The following CADM1 variants were observed in gnomAD, a reference collection of about 807,000 sequenced individuals.
The protein encoded by CADM1 is TSLC-1.
Under a neutral mutation model 53.1 loss-of-function variants are expected in CADM1, and 15 were observed. The observed-to-expected ratio is 0.28, with a 90% CI of 0.19 to 0.44. The LOEUF (loss-of-function observed/expected upper bound fraction) is 0.44, where lower values mean the gene tolerates loss of function less well. CADM1 is among the 20% of genes least tolerant of loss of function. The probability of loss-of-function intolerance (pLI) is 1.00; values close to 1 mark genes in which losing one functional copy is unlikely to be tolerated. For missense variants in CADM1, 434 were observed against 611.3 expected (o/e 0.71, Z 3.06); for synonymous variants, 281 against 243.0 (o/e 1.16, Z -1.45).
chr11:115,303,514 G>C (rs1944287593), intron 1 of CADM1, among the ~76,000 whole-genome samples: 1 of 151,970 alleles, frequency 6.6e-6, no homozygotes, highest in Non-Finnish European at 1.5e-5. Flanking sequence ...TAGTTTTATA[G>C]TGTTTGTTCA....
chr11:115,359,469 C>A (rs1333216651), intron 1 of CADM1, among the ~76,000 whole-genome samples: 1 of 152,032 alleles, frequency 6.6e-6, no homozygotes, highest in African/African-American at 2.4e-5. Flanking sequence ...TCAGTAACAA[C>A]CTTGATAGAA....
chr11:115,418,125 A>G (rs931538961), intron 1 of CADM1, among the ~76,000 whole-genome samples: 1 of 152,220 alleles, frequency 6.6e-6, no homozygotes, highest in Middle Eastern at 3.2e-3. Context: ...TTTCTTCAAC[A>G]AAGTGTGATC....
intron 1 of CADM1, among the ~76,000 whole-genome samples, chr11:115,358,072 G>A (rs1945924396): frequency 6.6e-6 from 1 of 152,142 alleles, no homozygotes; most frequent in Non-Finnish European, 1.5e-5. Context: ...TGGCACAGCT[G>A]TACGCAGCTG....
intron 1 of CADM1, among the ~76,000 whole-genome samples, chr11:115,321,710 C>A (rs938654871): frequency 1.3e-5 from 2 of 152,166 alleles, no homozygotes; most frequent in African/African-American, 4.8e-5. Flanking sequence ...TCTAAACTGT[C>A]CTCCAAGATT....
At chr11:115,490,769 G>A (rs939526397) in intron 1 of CADM1, among the ~76,000 whole-genome samples, 7 of 152,072 alleles carry the variant, frequency 4.6e-5, no homozygotes, top group Admixed American at 3.9e-4. Context: ...TAAAACTGTG[G>A]GTTTTGAACA....
At chr11:115,318,401 C>T (rs1394683351) in intron 1 of CADM1, among the ~76,000 whole-genome samples, 2 of 152,112 alleles carry the variant, frequency 1.3e-5, no homozygotes, top group Admixed American at 1.3e-4. Context: ...TTAGTTTCCT[C>T]AAGTTTCAAC....
At position 115,325,057 on chromosome 11, in the gene CADM1, C is replaced by A. The variant is rs1017914307; in HGVS notation, c.125-84637G>T. On this transcript the variant is annotated intron_variant, in intron 1 of 11. Coordinates refer to ENST00000331581, the MANE Select transcript of CADM1 (RefSeq NM_001301043.2). ...CACGTAAATGGAAGGTTCGTTAGAG[C>A]ATCTATTAAGAGGATTTTCAAAGGC... Among the ~76,000 whole-genome samples, 3 of 152,264 alleles carry A rather than the reference C, an allele frequency of 2.0e-5. No homozygotes were observed. In the South Asian group the frequency reaches 6.2e-4, roughly 32 times the overall value.
intron 1 of CADM1, among the ~76,000 whole-genome samples, chr11:115,273,566 A>C (rs764703788): frequency 1.3e-5 from 2 of 152,214 alleles, no homozygotes; most frequent in Non-Finnish European, 2.9e-5. Context: ...TAACCAAAGA[A>C]CTAGGTACCT....
intron 1 of CADM1, among the ~76,000 whole-genome samples, chr11:115,358,376 A>T (rs1945933963): frequency 6.6e-6 from 1 of 152,188 alleles, no homozygotes; most frequent in Non-Finnish European, 1.5e-5. Context: ...ATCATGGCGG[A>T]AGGTGAAAGG....
chr11:115,494,359 A>G (rs1949565025), intron 1 of CADM1, among the ~76,000 whole-genome samples: 1 of 152,178 alleles, frequency 6.6e-6, no homozygotes, highest in African/African-American at 2.4e-5. Context: ...TCATTTTTAA[A>G]TGCTCATTTT....
At chr11:115,406,902 A>G (rs1186760254) in intron 1 of CADM1, among the ~76,000 whole-genome samples, 2 of 151,650 alleles carry the variant, frequency 1.3e-5, no homozygotes, top group East Asian at 3.9e-4. Flanking sequence ...GTGAGCCGAG[A>G]TTATGCCATT....
intron 1 of CADM1, among the ~76,000 whole-genome samples, chr11:115,283,238 G>C (rs995331083): frequency 6.6e-6 from 1 of 152,164 alleles, no homozygotes; most frequent in Non-Finnish European, 1.5e-5. Context: ...GCAAAAAGAG[G>C]TGATGGTAGA....
chr11:115,285,328 GT>G (rs1565343810), intron 1 of CADM1, among the ~76,000 whole-genome samples: 1 of 152,172 alleles, frequency 6.6e-6, no homozygotes, highest in Non-Finnish European at 1.5e-5. Flanking sequence ...TGTAAACTTC[GT>G]TGTGTACCTA....
In CADM1 at chr11:115,175,047, T is replaced by C; in HGVS notation, c.*1427A>G. The C allele has an allele frequency of 2.0e-6, 2 of 985,894 alleles. No individual in the cohort carries two copies. The highest frequency in any genetic ancestry group is 2.4e-6 in the Non-Finnish European group (2 of 829,940). The allele number at this position is 985,894 out of a possible 1,614,324, so 61.1% of individuals were successfully genotyped here. On this transcript the variant is annotated 3_prime_UTR_variant, in exon 12 of 12. Coordinates refer to ENST00000331581, the MANE Select transcript of CADM1 (RefSeq NM_001301043.2). Reference sequence around the variant, plus strand: ...GCGAGGATCAGTAATTTTTGGCAGATGGTTCTTAAGGCTGAGGAAAGAGGC... The same window carrying C: ...GCGAGGATCAGTAATTTTTGGCAGACGGTTCTTAAGGCTGAGGAAAGAGGC...
At chr11:115,365,066 G>A (rs1946124102) in intron 1 of CADM1, among the ~76,000 whole-genome samples, 2 of 152,166 alleles carry the variant, frequency 1.3e-5, no homozygotes, top group Admixed American at 1.3e-4. Context: ...GATGTGAAGG[G>A]CATTCTGCAG....
intron 1 of CADM1, among the ~76,000 whole-genome samples, chr11:115,373,413 C>T (rs1946357043): frequency 6.6e-6 from 1 of 151,520 alleles, no homozygotes; most frequent in Admixed American, 6.6e-5. Context: ...GGCAAAACAC[C>T]ATCTCTTCCA....
rs1007111113 is a variant in CADM1 at position 115,169,527 on chromosome 11, C to T, written c.*6947G>A. 3.3e-5 allele frequency: 15 copies of T among 450,616 alleles called. No homozygotes were observed. Among genetic ancestry groups the T allele is most frequent in the Non-Finnish European group, 5.3e-5 (12 of 224,800 alleles). The allele number at this position is 450,616 out of a possible 1,614,324, so 27.9% of individuals were successfully genotyped here. A position where few individuals can be genotyped will look rare whatever the true frequency, so the allele number is the denominator to read the frequency against. ...TTTCAGTTGACAGTAATGGCATTTT[C>T]CCTTCCTTGTCCAAACGATAAAAGA... On this transcript the variant is annotated 3_prime_UTR_variant, in exon 12 of 12. Coordinates refer to ENST00000331581, the MANE Select transcript of CADM1 (RefSeq NM_001301043.2).
At chr11:115,346,007 G>T (rs774796420) in intron 1 of CADM1, among the ~76,000 whole-genome samples, 1 of 152,132 alleles carries the variant, frequency 6.6e-6, no homozygotes, top group Non-Finnish European at 1.5e-5. Flanking sequence ...TACCAATTCA[G>T]TACATTATCT....
intron 1 of CADM1, among the ~76,000 whole-genome samples, chr11:115,311,067 G>A (rs573039281): frequency 2.4e-4 from 36 of 152,254 alleles, no homozygotes; most frequent in African/African-American, 8.4e-4. Context: ...TACAAAGAGA[G>A]AGAAAGATTA....
Sources: gnomAD v4.1 joint callset for allele counts (sites outside exome capture counted in the v4.1 genomes callset) on GRCh38, gnomAD v4.1.1 for gene constraint, MANE v1.5 for transcripts, NCBI Gene and HGNC (gene_info 2026-07-23, HGNC 2026-07-21) for gene names.